Variants in MARCHF6 observed in about 807,000 individuals in gnomAD.
The protein encoded by MARCHF6 is membrane associated ring-CH-type finger 6, also known as E3 ubiquitin-protein ligase MARCHF6.
A neutral mutation model predicts 133.7 loss-of-function variants in MARCHF6; 31 were observed. That is an observed-to-expected ratio of 0.23 (90% CI 0.17 to 0.31). The LOEUF (loss-of-function observed/expected upper bound fraction) is 0.31, where lower values mean the gene tolerates loss of function less well. MARCHF6 is among the 10% of genes least tolerant of loss of function. The pLI, the probability that MARCHF6 is intolerant of heterozygous loss-of-function variation, is 1.00. For synonymous variants in MARCHF6, 395 were observed against 402.5 expected, an observed-to-expected ratio of 0.98 and a Z score of 0.22; for missense variants, 723 against 1,121.6, an observed-to-expected ratio of 0.64 and a Z score of 5.08.
At chr5:10,368,034 G>A (rs867635668) in intron 1 of MARCHF6, among the ~76,000 whole-genome samples, 1 of 152,160 alleles carries the variant, frequency 6.6e-6, no homozygotes, top group African/African-American at 2.4e-5. Context: ...ATGGGGGGGA[G>A]CCTCAATCTG....
intron 17 of MARCHF6, among the ~76,000 whole-genome samples, chr5:10,407,602 A>G (rs941596193): frequency 6.6e-6 from 1 of 152,202 alleles, no homozygotes; most frequent in Non-Finnish European, 1.5e-5. Context: ...TGCACATTTA[A>G]TTATTAAAAA....
chr5:10,424,368 C>CT (rs2092117855), intron 23 of MARCHF6, among the ~76,000 whole-genome samples: 1 of 152,140 alleles, frequency 6.6e-6, no homozygotes, highest in Non-Finnish European at 1.5e-5. Context: ...AATCTTTGTC[C>CT]TTCATGGTGT....
At chr5:10,358,754 A>G (rs1317993151) in intron 1 of MARCHF6, among the ~76,000 whole-genome samples, 2 of 152,208 alleles carry the variant, frequency 1.3e-5, no homozygotes, top group African/African-American at 4.8e-5. Flanking sequence ...ATAGTGAGAA[A>G]GTTAAAAAGT....
chr5:10,379,702 C>T (rs899196439), intron 3 of MARCHF6, among the ~76,000 whole-genome samples: 3 of 152,092 alleles, frequency 2.0e-5, no homozygotes, highest in Admixed American at 6.6e-5. Flanking sequence ...ACCTCATGAT[C>T]TGCCTGCCTC....
intron 2 of MARCHF6, among the ~76,000 whole-genome samples, 199 bp from the exon 3 acceptor site, chr5:10,378,560 G>T (rs540874552): frequency 8.5e-5 from 13 of 152,290 alleles, no homozygotes; most frequent in African/African-American, 3.1e-4. Flanking sequence ...GTAGAAAAAT[G>T]TGTTGTTTTT....
intron 1 of MARCHF6, among the ~76,000 whole-genome samples, chr5:10,374,412 T>C (rs899437426): frequency 5.9e-5 from 9 of 152,314 alleles, no homozygotes; most frequent in African/African-American, 1.7e-4. Context: ...TACGGGCTCT[T>C]CTTCCCTGAG....
At chr5:10,415,380 C>T (rs932591141) in intron 20 of MARCHF6, 108 bp from the exon 21 acceptor site, 14 of 993,804 alleles carry the variant, frequency 1.4e-5, no homozygotes, top group African/African-American at 4.8e-5. Context: ...ATTGATATAT[C>T]GAATGTGATA....
intron 15 of MARCHF6, among the ~76,000 whole-genome samples, chr5:10,405,189 G>A (rs1337184550): frequency 6.6e-6 from 1 of 152,162 alleles, no homozygotes; most frequent in South Asian, 2.1e-4. Flanking sequence ...TTTACAGGGG[G>A]AAGGCAAATC....
At chr5:10,413,215 T>A (rs1367417351) in intron 19 of MARCHF6, 1 of 152,244 alleles carries the variant, frequency 6.6e-6, no homozygotes, top group Non-Finnish European at 1.5e-5. Context: ...ATAGCAGATC[T>A]CATAGTCAGC....
chr5:10,379,747 C>T (rs568203807), intron 3 of MARCHF6, among the ~76,000 whole-genome samples: 1 of 152,194 alleles, frequency 6.6e-6, no homozygotes, highest in Non-Finnish European at 1.5e-5. Context: ...AGGCGTGAGC[C>T]ACCGCGCCCA....
intron 1 of MARCHF6, among the ~76,000 whole-genome samples, chr5:10,375,541 C>G (rs1171032998): frequency 1.3e-5 from 2 of 152,256 alleles, no homozygotes; most frequent in Non-Finnish European, 2.9e-5. Context: ...TGAGGAGTGC[C>G]AGCGCATGGC....
chr5:10,398,501 G>C (rs1014263783), intron 10 of MARCHF6, among the ~76,000 whole-genome samples: 23 of 151,886 alleles, frequency 1.5e-4, no homozygotes, highest in Admixed American at 5.9e-4. Context: ...TACATGTGGG[G>C]GTGTCTGTAT....
intron 1 of MARCHF6, among the ~76,000 whole-genome samples, chr5:10,367,824 A>G (rs1736225663): frequency 3.9e-5 from 6 of 152,218 alleles, no homozygotes; most frequent in Admixed American, 3.9e-4. Context: ...GGAATCTTTA[A>G]AAGGTATCCA....
Position 10,429,884 on chromosome 5 carries a change from G to C in MARCHF6, c.2507-9G>C. The C allele has an allele frequency of 6.2e-7, 1 of 1,601,310 alleles. No homozygotes were observed. Among genetic ancestry groups the C allele is most frequent in the Non-Finnish European group, 8.5e-7 (1 of 1,173,060 alleles). ...ATACACTGAAAGTTTTTCTTTTTTG[G>C]TTTTCTAGGTGTTACTGCGGAAATG... On this transcript the variant is annotated splice_polypyrimidine_tract_variant and intron_variant, in intron 24 of 25. Transcript: ENST00000274140.
chr5:10,406,653 G>T (rs1301484593), intron 16 of MARCHF6, among the ~76,000 whole-genome samples: 3 of 152,070 alleles, frequency 2.0e-5, no homozygotes, highest in African/African-American at 4.8e-5. Flanking sequence ...CTCCCAAAGT[G>T]CTGGGATTAC....
At chr5:10,402,231 C>A in intron 12 of MARCHF6, 92 bp downstream of exon 12, 1 of 1,109,558 alleles carries the variant, frequency 9.0e-7, no homozygotes, top group Non-Finnish European at 1.3e-6. Flanking sequence ...TCCTTGTCCT[C>A]TTAGTAAAAG....
Position 10,407,191 on chromosome 5 carries a change from C to A in MARCHF6, c.1542C>A (p.Val514=). 6.2e-7 allele frequency: 1 copy of A among 1,602,000 alleles called. No homozygotes were observed. The highest frequency in any genetic ancestry group is 8.5e-7 in the Non-Finnish European group (1 of 1,170,454). ...SVLPNFLPYN[V]MLYSDAPVSE... is the part of the protein sequence containing the mutation. ...TGCCTAATTTTCTTCCATACAATGT[C>A]ATGCTCTACAGGTAAGTTTTAAAAA... Residue 514 remains valine (V), a synonymous_variant, in exon 17 of 26, where the codon GTC becomes GTA. Transcript: ENST00000274140.
chr5:10,371,227 A>G (rs1304418515), intron 1 of MARCHF6, among the ~76,000 whole-genome samples: 1 of 152,160 alleles, frequency 6.6e-6, no homozygotes. Context: ...TAGATGTGTT[A>G]TATTACCCTA....
chr5:10,414,638 G>A, intron 20 of MARCHF6, 136 bp downstream of exon 20: 2 of 643,708 alleles, frequency 3.1e-6, no homozygotes, highest in Non-Finnish European at 5.4e-6. Context: ...GAACTACTGG[G>A]CTCAAGCAAT....
Sources: allele counts gnomAD v4.1 joint callset (sites outside exome capture counted in the v4.1 genomes callset), GRCh38; gene constraint gnomAD v4.1.1; transcripts MANE v1.5; gene names NCBI Gene and HGNC (gene_info 2026-07-23, HGNC 2026-07-21).